Variants in KCNH7 observed in about 807,000 individuals in gnomAD.
KCNH7 encodes potassium voltage-gated channel subfamily H member 7.
A neutral mutation model predicts 120.8 loss-of-function variants in KCNH7; 49 were observed. The ratio of observed to expected loss-of-function variants is 0.41; its 90% CI spans 0.32 to 0.51. KCNH7 has a LOEUF of 0.51. KCNH7 is among the 20% of genes least tolerant of loss of function. KCNH7 has a pLI of 0.38. For synonymous variants in KCNH7, 547 were observed against 516.1 expected, an observed-to-expected ratio of 1.06 and a Z score of -0.81; for missense variants, 1,097 against 1,446.6, an observed-to-expected ratio of 0.76 and a Z score of 3.92.
rs577879233 is a variant in KCNH7, at chr2:162,765,891, C to T, written c.307+70646G>A. ...CCTCCGGCCTCAGCCTCCCAAGTGT[C>T]GGGGACCATGCCCCACCAAGCCAGT... On this transcript the variant is annotated intron_variant, in intron 2 of 15. Transcript: ENST00000332142. 1.9e-3 allele frequency among the ~76,000 whole-genome samples: 284 copies of T among 152,196 alleles called. 1 individual carries two copies. Among genetic ancestry groups the T allele is most frequent in the African/African-American group, 6.5e-3 (269 of 41,532 alleles).
intron 9 of KCNH7, 136 bp downstream of exon 9, chr2:162,423,200 C>G: frequency 1.3e-6 from 2 of 1,556,314 alleles, no homozygotes; most frequent in Non-Finnish European, 8.7e-7. Context: ...GAGACTATCT[C>G]CAGGGGAGAA....
rs374889170 is a variant in KCNH7 at position 162,715,977 on chromosome 2, T to TGTGTGTGTGTGC, written c.307+120559_307+120560insGCACACACACAC. 4.0e-4 allele frequency among the ~76,000 whole-genome samples: 60 copies of TGTGTGTGTGTGC among 151,372 alleles called. 1 individual carries two copies. The highest frequency in any genetic ancestry group is 1.3e-3 in the African/African-American group (52 of 41,148). On this transcript the variant is annotated intron_variant, in intron 2 of 15. Transcript: ENST00000332142. ...GTGTGTGTGTGTGTGTGTGTGTGTG[T>TGTGTGTGTGTGC]GCACACCACACTTCGGAAGGTCCTT...
chr2:162,802,464 GACTT>G (rs905907594), intron 2 of KCNH7, among the ~76,000 whole-genome samples: 1 of 151,562 alleles, frequency 6.6e-6, no homozygotes, highest in African/African-American at 2.4e-5. Context: ...AGTCTGACTT[GACTT>G]ACATGAGGCC....
chr2:162,814,276 A>G (rs539917476), intron 2 of KCNH7, among the ~76,000 whole-genome samples: 1 of 152,340 alleles, frequency 6.6e-6, no homozygotes, highest in East Asian at 1.9e-4. Context: ...AAAACATAAT[A>G]GATGATTCTA....
intron 2 of KCNH7, among the ~76,000 whole-genome samples, chr2:162,809,168 GAATT>G (rs1242893589): frequency 1.3e-5 from 2 of 152,102 alleles, no homozygotes; most frequent in Admixed American, 6.6e-5. Flanking sequence ...CTGTGATATA[GAATT>G]AAGACATTAT....
chr2:162,806,849 TA>T (rs200060358), intron 2 of KCNH7, among the ~76,000 whole-genome samples: 1 of 151,800 alleles, frequency 6.6e-6, no homozygotes, highest in Non-Finnish European at 1.5e-5. Context: ...AATTTTTTTT[TA>T]AAAAAAGATA....
chr2:162,494,865 A>G (rs1407501936), intron 6 of KCNH7, among the ~76,000 whole-genome samples: 1 of 152,168 alleles, frequency 6.6e-6, no homozygotes, highest in African/African-American at 2.4e-5. Flanking sequence ...GCAGAACAAG[A>G]GTTAACTGAA....
intron 2 of KCNH7, among the ~76,000 whole-genome samples, chr2:162,615,996 T>C (rs1227979287): frequency 6.6e-6 from 1 of 152,204 alleles, no homozygotes; most frequent in Non-Finnish European, 1.5e-5. Flanking sequence ...ATTGCTGAGA[T>C]GAGTTTCTAC....
At chr2:162,619,550 T>G (rs918891304) in intron 2 of KCNH7, among the ~76,000 whole-genome samples, 1 of 151,828 alleles carries the variant, frequency 6.6e-6, no homozygotes, top group Non-Finnish European at 1.5e-5. Context: ...ACAGCTAATC[T>G]AGTAATGATT....
At chr2:162,617,641 T>C (rs1559046829) in intron 2 of KCNH7, among the ~76,000 whole-genome samples, 1 of 152,208 alleles carries the variant, frequency 6.6e-6, no homozygotes, top group Non-Finnish European at 1.5e-5. Context: ...CTGGAGACCA[T>C]GGTTGCTTAT....
rs62190072 is a variant in KCNH7 at position 162,635,220 on chromosome 2, T to G, written c.308-98140A>C. Among the ~76,000 whole-genome samples the G allele has an allele frequency of 5.7e-3, 864 of 152,214 alleles. 1 individual carries two copies. Among genetic ancestry groups the G allele is most frequent in the Non-Finnish European group, 9.4e-3 (641 of 67,982 alleles). On this transcript the variant is annotated intron_variant, in intron 2 of 15. Transcript: ENST00000332142. ...CAATTCTCAGCAAATATTTAATGTATGCCAGGATATGAGCTAGACATTGGG... is the reference window on the plus strand; with the variant it reads ...CAATTCTCAGCAAATATTTAATGTAGGCCAGGATATGAGCTAGACATTGGG...
intron 2 of KCNH7, among the ~76,000 whole-genome samples, chr2:162,616,185 T>C (rs1385512997): frequency 6.6e-6 from 1 of 152,200 alleles, no homozygotes; most frequent in Non-Finnish European, 1.5e-5. Context: ...AGTTTATGAC[T>C]CACGGGATAA....
chr2:162,713,192 T>A (rs1057128293), intron 2 of KCNH7, among the ~76,000 whole-genome samples: 6 of 152,058 alleles, frequency 3.9e-5, no homozygotes, highest in African/African-American at 1.4e-4. Context: ...AAAGCAGACA[T>A]AGACGACGTA....
At chr2:162,581,241 C>A (rs1054137115) in intron 2 of KCNH7, among the ~76,000 whole-genome samples, 1 of 151,996 alleles carries the variant, frequency 6.6e-6, no homozygotes, top group Non-Finnish European at 1.5e-5. Flanking sequence ...AACCAATAGG[C>A]AGATAGACCC....
At chr2:162,410,251 T>G (rs1388930055) in intron 9 of KCNH7, among the ~76,000 whole-genome samples, 1 of 151,856 alleles carries the variant, frequency 6.6e-6, no homozygotes, top group South Asian at 2.1e-4. Flanking sequence ...TGGAATAGCA[T>G]AGAGAAACCA....
intron 2 of KCNH7, among the ~76,000 whole-genome samples, chr2:162,753,596 A>G (rs1688686593): frequency 6.6e-6 from 1 of 151,876 alleles, no homozygotes; most frequent in South Asian, 2.1e-4. Flanking sequence ...TTTTTTCAAT[A>G]ATTTGTTGTT....
Position 162,787,871 on chromosome 2 carries a change from C to T in KCNH7, c.307+48666G>A, listed in dbSNP as rs951425522. 1.1e-4 allele frequency among the ~76,000 whole-genome samples: 16 copies of T among 152,236 alleles called. 1 individual carries two copies. In the East Asian group the frequency reaches 1.2e-3, roughly 11 times the overall value. The stretch of plus-strand genomic sequence containing the variant: ...CCAGTGAACCAAGGCTCCAGGCCCA[C>T]GTGCTTGCTGACCTTGGCACCAGGC... On this transcript the variant is annotated intron_variant, in intron 2 of 15. Transcript: ENST00000332142.
At chr2:162,714,157 C>T (rs1687027337) in intron 2 of KCNH7, among the ~76,000 whole-genome samples, 1 of 152,146 alleles carries the variant, frequency 6.6e-6, no homozygotes, top group African/African-American at 2.4e-5. Flanking sequence ...CTAGCTTGAA[C>T]CTAAATAGTT....
intron 2 of KCNH7, among the ~76,000 whole-genome samples, chr2:162,629,770 G>T (rs1206197213): frequency 6.6e-6 from 1 of 152,060 alleles, no homozygotes; most frequent in African/African-American, 2.4e-5. Context: ...AAATGCTATA[G>T]ATCAGGGGTT....
Sources: gnomAD v4.1 joint callset for allele counts (sites outside exome capture counted in the v4.1 genomes callset) on GRCh38, gnomAD v4.1.1 for gene constraint, MANE v1.5 for transcripts, NCBI Gene and HGNC (gene_info 2026-07-23, HGNC 2026-07-21) for gene names.